The following PLCL1 variants were observed in gnomAD, a reference collection of about 807,000 sequenced individuals.
PLCL1 encodes phospholipase C like 1 (inactive).
In PLCL1, 41 loss-of-function variants were observed where a neutral mutation model predicts 84.4. That is an observed-to-expected ratio of 0.49 (90% CI 0.38 to 0.63). The LOEUF (loss-of-function observed/expected upper bound fraction) is 0.63. PLCL1 is among the 30% of genes least tolerant of loss of function. The pLI is 0.00. For missense variants in PLCL1, 1,206 were observed against 1,367.8 expected, an observed-to-expected ratio of 0.88 and a Z score of 1.87; for synonymous variants, 490 against 488.3, an observed-to-expected ratio of 1.00 and a Z score of -0.05.
At chr2:197,956,365 G>A (rs1689494030) in intron 1 of PLCL1, among the ~76,000 whole-genome samples, 1 of 152,104 alleles carries the variant, frequency 6.6e-6, no homozygotes, top group South Asian at 2.1e-4. Context: ...GTTGTAAATA[G>A]TGCTGCAGTG....
chr2:197,961,384 T>A (rs1689619082), intron 1 of PLCL1, among the ~76,000 whole-genome samples: 1 of 152,050 alleles, frequency 6.6e-6, no homozygotes, highest in South Asian at 2.1e-4. Context: ...CTATTAATTT[T>A]GAAGATATCA....
At chr2:197,975,488 A>C (rs1689961111) in intron 1 of PLCL1, among the ~76,000 whole-genome samples, 1 of 152,040 alleles carries the variant, frequency 6.6e-6, no homozygotes. Flanking sequence ...CAAAAACCCA[A>C]TTGGCTATCA....
At chr2:198,065,869 T>G (rs1289191241) in intron 1 of PLCL1, among the ~76,000 whole-genome samples, 1 of 152,178 alleles carries the variant, frequency 6.6e-6, no homozygotes, top group African/African-American at 2.4e-5. Flanking sequence ...CATTTTTACA[T>G]TTAAGTTGAA....
Position 198,044,280 on chromosome 2 carries a change from C to T in PLCL1, c.241-39478C>T, listed in dbSNP as rs573594362. Among the ~76,000 whole-genome samples the T allele has an allele frequency of 2.0e-5, 3 of 152,308 alleles. No individual in the cohort carries two copies. The East Asian group carries it at 5.8e-4, about 29-fold the overall frequency. On this transcript the variant is annotated intron_variant, in intron 1 of 5. Transcript: ENST00000428675. ...TCAACCTTGGGTTTCTACAGTGTTA[C>T]TGAAACCTGCCATCCATTCACAGTG...
At chr2:198,083,690 A>C (rs1692778096) in intron 1 of PLCL1, 68 bp from the exon 2 acceptor site, 3 of 1,001,278 alleles carry the variant, frequency 3.0e-6, no homozygotes, top group Non-Finnish European at 4.4e-6. Flanking sequence ...TGAGGAGTTC[A>C]TAGAGTGTTA....
At chr2:198,090,922 T>C (rs934647769) in intron 3 of PLCL1, among the ~76,000 whole-genome samples, 8 of 152,224 alleles carry the variant, frequency 5.3e-5, no homozygotes, top group African/African-American at 1.7e-4. Context: ...CAGTGTCTTA[T>C]TTTTTGTTTT....
intron 1 of PLCL1, among the ~76,000 whole-genome samples, chr2:198,010,855 G>A (rs1362067958): frequency 2.0e-5 from 3 of 150,834 alleles, no homozygotes; most frequent in Non-Finnish European, 4.4e-5. Context: ...ATCTGTTTCC[G>A]TCTTGATAGG....
At chr2:197,859,228 C>A (rs1388258964) in intron 1 of PLCL1, among the ~76,000 whole-genome samples, 2 of 152,162 alleles carry the variant, frequency 1.3e-5, no homozygotes, top group Non-Finnish European at 2.9e-5. Flanking sequence ...TCTTCTTCCT[C>A]TTCCTACCTT....
At chr2:198,143,922 A>G (rs572272902) in intron 5 of PLCL1, among the ~76,000 whole-genome samples, 102 of 151,794 alleles carry the variant, frequency 6.7e-4, no homozygotes, top group African/African-American at 2.3e-3. Context: ...CCTATATGGT[A>G]CAGCCAGTGT....
intron 1 of PLCL1, among the ~76,000 whole-genome samples, chr2:198,082,390 A>G (rs1692736210): frequency 6.6e-6 from 1 of 151,924 alleles, no homozygotes; most frequent in South Asian, 2.1e-4. Context: ...GTTGCATTGC[A>G]CTGAAATCAC....
intron 1 of PLCL1, among the ~76,000 whole-genome samples, chr2:198,065,908 AGT>A (rs1396347677): frequency 6.6e-6 from 1 of 152,180 alleles, no homozygotes; most frequent in African/African-American, 2.4e-5. Flanking sequence ...ACAAGGAAAA[AGT>A]GTTATGAACA....
At chr2:198,070,868 G>A (rs1342068686) in intron 1 of PLCL1, among the ~76,000 whole-genome samples, 4 of 151,800 alleles carry the variant, frequency 2.6e-5, no homozygotes, top group African/African-American at 7.3e-5. Flanking sequence ...TGTCTTTAAT[G>A]TGCAAATATC....
intron 1 of PLCL1, among the ~76,000 whole-genome samples, chr2:198,059,708 ATGGAG>A (rs1692147389): frequency 6.6e-6 from 1 of 152,170 alleles, no homozygotes; most frequent in South Asian, 2.1e-4. Context: ...AAGTACAATC[ATGGAG>A]TTTAATTATG....
intron 1 of PLCL1, among the ~76,000 whole-genome samples, chr2:197,968,508 T>C (rs1408292787): frequency 6.6e-6 from 1 of 152,234 alleles, no homozygotes; most frequent in Non-Finnish European, 1.5e-5. Context: ...TCTTTAGAGA[T>C]ATTATTCTAA....
At chr2:197,998,776 T>C (rs971589735) in intron 1 of PLCL1, among the ~76,000 whole-genome samples, 2 of 152,126 alleles carry the variant, frequency 1.3e-5, no homozygotes, top group African/African-American at 4.8e-5. Flanking sequence ...GGCCCTTGGA[T>C]TCACCCAATC....
chr2:197,845,718 C>T (rs1559023007), intron 1 of PLCL1, among the ~76,000 whole-genome samples: 1 of 152,204 alleles, frequency 6.6e-6, no homozygotes, highest in East Asian at 1.9e-4. Context: ...TACGTATCTC[C>T]AGCCAAGATG....
chr2:197,878,054 G>A (rs1259870540), intron 1 of PLCL1, among the ~76,000 whole-genome samples: 1 of 152,022 alleles, frequency 6.6e-6, no homozygotes, highest in East Asian at 1.9e-4. Context: ...CTATGTATAT[G>A]GTAACAAAGA....
chr2:198,037,662 C>T (rs1691578320), intron 1 of PLCL1, among the ~76,000 whole-genome samples: 1 of 152,130 alleles, frequency 6.6e-6, no homozygotes, highest in Non-Finnish European at 1.5e-5. Flanking sequence ...TCTGTGCTTA[C>T]AAAGAGTCAA....
intron 5 of PLCL1, among the ~76,000 whole-genome samples, chr2:198,144,819 A>G: frequency 6.6e-6 from 1 of 152,160 alleles, no homozygotes; most frequent in East Asian, 1.9e-4. Context: ...CATGGGTAAC[A>G]ATGAATAGGA....
Sources: gnomAD v4.1 joint callset for allele counts (sites outside exome capture counted in the v4.1 genomes callset) on GRCh38, gnomAD v4.1.1 for gene constraint, MANE v1.5 for transcripts, NCBI Gene and HGNC (gene_info 2026-07-23, HGNC 2026-07-21) for gene names.